The following MCTP2 variants were observed in gnomAD, a reference collection of about 807,000 sequenced individuals.
The protein encoded by MCTP2 is multiple C2 and transmembrane domain containing 2.
A neutral mutation model predicts 111.6 loss-of-function variants in MCTP2; 132 were observed. The ratio of observed to expected loss-of-function variants is 1.18; its 90% CI spans 1.03 to 1.37. The LOEUF (loss-of-function observed/expected upper bound fraction) is 1.37, where lower values mean the gene tolerates loss of function less well. Among genes scored for constraint, MCTP2 ranks in the 40% most tolerant of loss-of-function variants. The pLI, the probability that MCTP2 is intolerant of heterozygous loss-of-function variation, is 0.00. For synonymous variants in MCTP2, 395 were observed against 387.7 expected, an observed-to-expected ratio of 1.02 and a Z score of -0.22; for missense variants, 1,183 against 1,067.9, an observed-to-expected ratio of 1.11 and a Z score of -1.50.
At chr15:94,310,705 C>T (rs567857176) in intron 2 of MCTP2, among the ~76,000 whole-genome samples, 24 of 150,688 alleles carry the variant, frequency 1.6e-4, no homozygotes, top group African/African-American at 5.1e-4. Context: ...TAAAATATTT[C>T]ATAACATAAA....
intron 3 of MCTP2, 109 bp downstream of exon 3, chr15:94,314,453 T>A (rs1425968015): frequency 1.4e-4 from 93 of 664,066 alleles, no homozygotes; most frequent in East Asian, 1.0e-3. Flanking sequence ...AAAAAAAAAA[T>A]GCCAAACCGT....
chr15:94,244,052 A>G (rs1240690968), intron 1 of MCTP2, among the ~76,000 whole-genome samples: 2 of 147,452 alleles, frequency 1.4e-5, no homozygotes, highest in Non-Finnish European at 3.0e-5. Context: ...ACACATATGT[A>G]TACACATACA....
At chr15:94,313,821 A>G (rs2076256815) in intron 2 of MCTP2, among the ~76,000 whole-genome samples, 1 of 152,180 alleles carries the variant, frequency 6.6e-6, no homozygotes, top group Non-Finnish European at 1.5e-5. Context: ...AGCCCCATGA[A>G]GGTATGGCTT....
At chr15:94,443,510 GA>G (rs1223721660) in intron 19 of MCTP2, among the ~76,000 whole-genome samples, 1 of 152,216 alleles carries the variant, frequency 6.6e-6, no homozygotes, top group Non-Finnish European at 1.5e-5. Context: ...AATGCCAAAT[GA>G]GATGCTACTA....
At chr15:94,292,275 T>C (rs1463142919) in intron 1 of MCTP2, among the ~76,000 whole-genome samples, 2 of 152,160 alleles carry the variant, frequency 1.3e-5, no homozygotes, top group Non-Finnish European at 2.9e-5. Context: ...TCACTAATAC[T>C]ATTCACTATC....
intron 19 of MCTP2, 70 bp downstream of exon 19, chr15:94,443,030 T>G: frequency 1.5e-6 from 2 of 1,298,272 alleles, no homozygotes; most frequent in Admixed American, 2.1e-5. Flanking sequence ...TTCCTTCAGG[T>G]TGAGTCTCTC....
chr15:94,323,305 A>T (rs1322919185), intron 4 of MCTP2, among the ~76,000 whole-genome samples: 1 of 152,160 alleles, frequency 6.6e-6, no homozygotes, highest in Non-Finnish European at 1.5e-5. Context: ...GTGGCCTCTC[A>T]GTGTGTGTAT....
intron 20 of MCTP2, among the ~76,000 whole-genome samples, chr15:94,462,682 A>T (rs2152531222): frequency 6.6e-6 from 1 of 152,334 alleles, no homozygotes; most frequent in South Asian, 2.1e-4. Flanking sequence ...AGCAATGAAG[A>T]CGGGATCGTA....
At chr15:94,249,824 A>T (rs901597901) in intron 1 of MCTP2, among the ~76,000 whole-genome samples, 1 of 152,112 alleles carries the variant, frequency 6.6e-6, no homozygotes, top group Non-Finnish European at 1.5e-5. Flanking sequence ...GGTAGCTGTC[A>T]TGAGTTGATC....
At chr15:94,242,497 T>G (rs1258169791) in intron 1 of MCTP2, among the ~76,000 whole-genome samples, 1 of 152,078 alleles carries the variant, frequency 6.6e-6, no homozygotes, top group Non-Finnish European at 1.5e-5. Flanking sequence ...TGTGCACTGC[T>G]GAGGTTTTTT....
chr15:94,389,494 A>G (rs2080739369), intron 14 of MCTP2, among the ~76,000 whole-genome samples: 1 of 152,192 alleles, frequency 6.6e-6, no homozygotes, highest in South Asian at 2.1e-4. Context: ...GTGAGAGAGA[A>G]GACTCTTCCC....
chr15:94,266,709 C>T (rs2152290810), intron 1 of MCTP2, among the ~76,000 whole-genome samples: 2 of 152,304 alleles, frequency 1.3e-5, no homozygotes, highest in South Asian at 2.1e-4. Context: ...ATGTGTTTCA[C>T]TGAAAGGCCA....
intron 17 of MCTP2, among the ~76,000 whole-genome samples, chr15:94,434,056 A>G (rs1241417342): frequency 6.6e-6 from 1 of 152,126 alleles, no homozygotes; most frequent in Non-Finnish European, 1.5e-5. Flanking sequence ...TTTCCTTTCA[A>G]AGAGCAAAAG....
intron 17 of MCTP2, among the ~76,000 whole-genome samples, chr15:94,407,156 C>T (rs2081942773): frequency 6.6e-6 from 1 of 151,750 alleles, no homozygotes; most frequent in South Asian, 2.1e-4. Flanking sequence ...TTTATAAACC[C>T]CAATGTTGTC....
rs747704454 is a variant in MCTP2, at chr15:94,315,680, C to A, written c.637+43C>A. On this transcript the variant is annotated intron_variant, in intron 4 of 22. Coordinates refer to ENST00000357742, the MANE Select transcript of MCTP2 (RefSeq NM_001385001.1). ...TATGGTGGGTGTAGCCTGGAAACTTCTTTCTCTCTGTCCTTGTATCAATAT... is the reference window on the plus strand; with the variant it reads ...TATGGTGGGTGTAGCCTGGAAACTTATTTCTCTCTGTCCTTGTATCAATAT... 6 of 1,377,788 alleles carry A rather than the reference C, an allele frequency of 4.4e-6. No homozygotes were observed. In the South Asian group the frequency reaches 7.0e-5, roughly 16 times the overall value. 85.3% of individuals were successfully genotyped at this position (1,377,788 alleles called of 1,614,324 possible).
At chr15:94,381,645 G>A (rs1304066124) in intron 12 of MCTP2, among the ~76,000 whole-genome samples, 1 of 152,214 alleles carries the variant, frequency 6.6e-6, no homozygotes, top group Non-Finnish European at 1.5e-5. Flanking sequence ...GGCGTCTCTG[G>A]AGGAGCAGCG....
intron 20 of MCTP2, among the ~76,000 whole-genome samples, chr15:94,468,472 A>T (rs116580878): frequency 0.018 from 2,683 of 152,070 alleles, 76 homozygotes; most frequent in African/African-American, 0.06. Context: ...CCTAAATAAT[A>T]GCCCCAGGCC....
At chr15:94,471,977 A>C (rs1359347943) in intron 21 of MCTP2, among the ~76,000 whole-genome samples, 1 of 152,188 alleles carries the variant, frequency 6.6e-6, no homozygotes. Flanking sequence ...TTTTAAGTTC[A>C]TGTAAGTTGA....
At chr15:94,257,583 T>G (rs1210090814) in intron 1 of MCTP2, among the ~76,000 whole-genome samples, 17 of 81,048 alleles carry the variant, frequency 2.1e-4, no homozygotes, top group African/African-American at 3.3e-4. Context: ...TTTTTTTTTT[T>G]TTTTTTTTTT....
Sources: gnomAD v4.1 joint callset for allele counts (sites outside exome capture counted in the v4.1 genomes callset) on GRCh38, gnomAD v4.1.1 for gene constraint, MANE v1.5 for transcripts, NCBI Gene and HGNC (gene_info 2026-07-23, HGNC 2026-07-21) for gene names.